The following DISC1 variants were observed in gnomAD, a reference collection of about 807,000 sequenced individuals.
DISC1 encodes the protein disrupted in schizophrenia 1 protein.
Under a neutral mutation model 84.5 loss-of-function variants are expected in DISC1, and 57 were observed. The observed-to-expected ratio is 0.67, with a 90% CI of 0.55 to 0.84. The LOEUF (loss-of-function observed/expected upper bound fraction) is 0.84. Among genes scored for constraint, DISC1 ranks in the 40% least tolerant of loss-of-function variants. The pLI is 0.00. For missense variants in DISC1, 1,000 were observed against 1,057.8 expected, an observed-to-expected ratio of 0.95 and a Z score of 0.76; for synonymous variants, 411 against 415.2, an observed-to-expected ratio of 0.99 and a Z score of 0.12.
chr1:231,872,275 A>G (rs1379827869), intron 9 of DISC1, among the ~76,000 whole-genome samples: 1 of 151,822 alleles, frequency 6.6e-6, no homozygotes, highest in Non-Finnish European at 1.5e-5. Context: ...TTAATCTCCC[A>G]TCTTAGTAAT....
At chr1:231,905,721 G>A (rs1309110490) in intron 9 of DISC1, among the ~76,000 whole-genome samples, 2 of 152,090 alleles carry the variant, frequency 1.3e-5, no homozygotes, top group African/African-American at 4.8e-5. Flanking sequence ...TGAGGGGCAT[G>A]GGGGACCCTT....
At position 231,665,642 on chromosome 1, in the gene DISC1, T is replaced by C. The variant is rs536307797; in HGVS notation, c.68-28184T>C. 2.6e-5 allele frequency among the ~76,000 whole-genome samples: 4 copies of C among 152,366 alleles called. No individual in the cohort carries two copies. In the East Asian group the frequency reaches 7.7e-4, roughly 29 times the overall value. The stretch of plus-strand genomic sequence containing the variant: ...CTTAATTGTAAGAATATAATACATA[T>C]ACAGAATATGTGTTAATTGACCTTT... On this transcript the variant is annotated intron_variant, in intron 1 of 12. Coordinates refer to ENST00000439617, the MANE Select transcript of DISC1 (RefSeq NM_018662.3).
intron 4 of DISC1, among the ~76,000 whole-genome samples, chr1:231,756,159 A>G (rs2075091283): frequency 6.6e-6 from 1 of 152,180 alleles, no homozygotes; most frequent in Admixed American, 6.5e-5. Flanking sequence ...AGATTCTATG[A>G]TCTTGCTCAT....
rs897191740 is a variant in DISC1 at position 231,850,491 on chromosome 1, C to T, written c.1981+31974C>T. ...GTGATGAAAATCTTCCCGAGTTGTGCGGAGCACAAAGTAGAACCTGACAGG... is the reference window on the plus strand; with the variant it reads ...GTGATGAAAATCTTCCCGAGTTGTGTGGAGCACAAAGTAGAACCTGACAGG... On this transcript the variant is annotated intron_variant, in intron 9 of 12. Coordinates refer to ENST00000439617, the MANE Select transcript of DISC1 (RefSeq NM_018662.3). 6.6e-5 allele frequency among the ~76,000 whole-genome samples: 10 copies of T among 152,298 alleles called. No individual in the cohort carries two copies. The East Asian group carries it at 1.4e-3, about 21-fold the overall frequency.
rs146184225 is a variant in DISC1, at chr1:231,846,257, A to G, written c.1981+27740A>G. Among the ~76,000 whole-genome samples, 1,069 of 152,290 alleles carry G rather than the reference A, an allele frequency of 7.0e-3. 5 individuals are homozygous for G. Among genetic ancestry groups the G allele is most frequent in the Non-Finnish European group, 0.011 (754 of 68,022 alleles). ...CTTTCAGAAGGAGCTGGGCATGCAG[A>G]GCTTGCTAACCAGTGATGGAGGATC... is the stretch of plus-strand genomic sequence containing the variant. On this transcript the variant is annotated intron_variant, in intron 9 of 12. Coordinates refer to ENST00000439617, the MANE Select transcript of DISC1 (RefSeq NM_018662.3).
At chr1:231,785,888 A>G (rs2077816233) in intron 6 of DISC1, among the ~76,000 whole-genome samples, 1 of 152,216 alleles carries the variant, frequency 6.6e-6, no homozygotes, top group Non-Finnish European at 1.5e-5. Flanking sequence ...TGCAGGGAGC[A>G]GGCCGTTTGC....
At chr1:231,743,084 C>T (rs866677789) in intron 3 of DISC1, among the ~76,000 whole-genome samples, 3 of 152,178 alleles carry the variant, frequency 2.0e-5, no homozygotes, top group Non-Finnish European at 2.9e-5. Flanking sequence ...GATCAGCCTG[C>T]GCTCTCTGAG....
intron 10 of DISC1, among the ~76,000 whole-genome samples, chr1:231,964,257 C>T (rs1322808614): frequency 2.0e-5 from 3 of 152,122 alleles, no homozygotes; most frequent in Non-Finnish European, 2.9e-5. Context: ...TGAATTAATG[C>T]AAATAATTTG....
intron 9 of DISC1, among the ~76,000 whole-genome samples, chr1:231,904,475 G>T (rs1200541322): frequency 6.6e-6 from 1 of 152,096 alleles, no homozygotes; most frequent in East Asian, 1.9e-4. Context: ...GAAGAAGAGA[G>T]GTACAAATAA....
chr1:231,947,210 T>G (rs1489343455), intron 9 of DISC1, among the ~76,000 whole-genome samples: 1 of 149,744 alleles, frequency 6.7e-6, no homozygotes, highest in Admixed American at 6.7e-5. Flanking sequence ...CAAACTATAC[T>G]ACAAGCTTAC....
intron 6 of DISC1, chr1:231,771,634 G>C (rs2076557170): frequency 2.0e-6 from 2 of 979,956 alleles, no homozygotes; most frequent in African/African-American, 3.5e-5. Flanking sequence ...CGTTTAAGAA[G>C]GTTATAATTT....
rs2079439577 is a variant in DISC1 at position 231,803,445 on chromosome 1, G to C, written c.1792+3235G>C. On this transcript the variant is annotated intron_variant, in intron 8 of 12. Transcript: ENST00000439617. Reference sequence around the variant, plus strand: ...CTTAGCTGGGTGGCTCTGACTCAGGGTCTCATAAGGTCGCTGTTAAGACAC... The same window carrying C: ...CTTAGCTGGGTGGCTCTGACTCAGGCTCTCATAAGGTCGCTGTTAAGACAC... Among the ~76,000 whole-genome samples the C allele has an allele frequency of 2.0e-5, 3 of 152,196 alleles. No homozygotes were observed. The South Asian group carries it at 6.2e-4, about 32-fold the overall frequency.
intron 3 of DISC1, among the ~76,000 whole-genome samples, chr1:231,730,160 A>G (rs202102730): frequency 6.6e-5 from 10 of 152,230 alleles, no homozygotes; most frequent in Non-Finnish European, 1.2e-4. Context: ...ACAGGAATGA[A>G]TTAAATGCCA....
intron 4 of DISC1, among the ~76,000 whole-genome samples, chr1:231,756,526 AGAG>A (rs1469954171): frequency 5.8e-5 from 5 of 86,874 alleles, no homozygotes; most frequent in African/African-American, 1.9e-4. Flanking sequence ...CGAGAGAGAG[AGAG>A]AGAGAGAGAG....
intron 9 of DISC1, among the ~76,000 whole-genome samples, chr1:231,896,026 G>C (rs958915881): frequency 6.6e-6 from 1 of 152,142 alleles, no homozygotes; most frequent in Admixed American, 6.6e-5. Context: ...AGGCTGAAAT[G>C]GTGTCATGTG....
intron 9 of DISC1, among the ~76,000 whole-genome samples, chr1:231,906,438 A>G (rs1400775314): frequency 6.6e-6 from 1 of 152,192 alleles, no homozygotes; most frequent in East Asian, 1.9e-4. Flanking sequence ...CACATGTGTG[A>G]GTTTGGGGAT....
intron 9 of DISC1, among the ~76,000 whole-genome samples, chr1:231,891,477 G>A (rs536832652): frequency 9.2e-5 from 14 of 152,328 alleles, no homozygotes; most frequent in South Asian, 4.1e-4. Flanking sequence ...GAGACAGACG[G>A]AGCAGGGAAA....
intron 3 of DISC1, among the ~76,000 whole-genome samples, chr1:231,724,269 G>A (rs949915729): frequency 1.0e-4 from 14 of 140,124 alleles, no homozygotes; most frequent in South Asian, 2.4e-4. Context: ...TAGAAGTTCC[G>A]GTTTTTCATG....
intron 11 of DISC1, among the ~76,000 whole-genome samples, chr1:232,017,480 CTTTTTTT>C (rs56672398): frequency 7.5e-6 from 1 of 132,820 alleles, no homozygotes. Flanking sequence ...AACACCTGTC[CTTTTTTT>C]TTTTTTTTTT....
Sources: gnomAD v4.1 joint callset for allele counts (sites outside exome capture counted in the v4.1 genomes callset) on GRCh38, gnomAD v4.1.1 for gene constraint, MANE v1.5 for transcripts, NCBI Gene and HGNC (gene_info 2026-07-23, HGNC 2026-07-21) for gene names.